SETX: variants seen among roughly 807,000 people sequenced by gnomAD.
SETX encodes helicase senataxin.
In SETX, 90 loss-of-function variants were observed where a neutral mutation model predicts 227.2. That is an observed-to-expected ratio of 0.40 (90% CI 0.33 to 0.47). SETX has a LOEUF of 0.47. Ranked by LOEUF, SETX falls within the 20% of genes least tolerant of loss-of-function variation. The pLI, the probability that SETX is intolerant of heterozygous loss-of-function variation, is 0.91. For synonymous variants in SETX, 1,210 were observed against 1,113.2 expected (o/e 1.09, Z -1.73); for missense variants, 3,052 against 3,181.5 (o/e 0.96, Z 0.98).
chr9:132,303,309 C>T (rs1160356336), intron 11 of SETX, among the ~76,000 whole-genome samples: 4 of 146,098 alleles, frequency 2.7e-5, no homozygotes, highest in African/African-American at 1.0e-4. Context: ...AAGTATGAAC[C>T]ACTGCGTCTG....
intron 15 of SETX, among the ~76,000 whole-genome samples, chr9:132,288,993 A>AAT (rs911161925): frequency 6.6e-6 from 1 of 152,224 alleles, no homozygotes; most frequent in Non-Finnish European, 1.5e-5. Flanking sequence ...TTCAAGAAAA[A>AAT]TGATGAGATA....
chr9:132,343,618 T>C (rs576470901), intron 4 of SETX, among the ~76,000 whole-genome samples: 1 of 152,334 alleles, frequency 6.6e-6, no homozygotes, highest in East Asian at 1.9e-4. Context: ...ACATTTTCAA[T>C]ATCATAGTTT....
At chr9:132,350,340 ACT>A (rs1208753882) in intron 2 of SETX, among the ~76,000 whole-genome samples, 1 of 152,118 alleles carries the variant, frequency 6.6e-6, no homozygotes, top group Non-Finnish European at 1.5e-5. Context: ...ACAGAGTGAA[ACT>A]CTGTCTCAAA....
intron 10 of SETX, among the ~76,000 whole-genome samples, chr9:132,316,244 A>G (rs1278856976): frequency 6.6e-6 from 1 of 152,120 alleles, no homozygotes; most frequent in African/African-American, 2.4e-5. Flanking sequence ...CACTTCATAT[A>G]CTTATTACCA....
At chr9:132,321,148 C>A (rs1295544931) in intron 10 of SETX, among the ~76,000 whole-genome samples, 1 of 152,232 alleles carries the variant, frequency 6.6e-6, no homozygotes, top group Non-Finnish European at 1.5e-5. Flanking sequence ...CAGCTCCCTG[C>A]CACGCCTACA....
chr9:132,279,854 AT>A (rs1843398912), intron 20 of SETX, among the ~76,000 whole-genome samples: 1 of 152,144 alleles, frequency 6.6e-6, no homozygotes, highest in South Asian at 2.1e-4. Context: ...GATGTCCCTG[AT>A]TTACTGATTG....
intron 25 of SETX, among the ~76,000 whole-genome samples, chr9:132,268,464 G>C (rs1842750114): frequency 6.6e-6 from 1 of 152,202 alleles, no homozygotes; most frequent in African/African-American, 2.4e-5. Context: ...TTGTGCCACT[G>C]CACTCCCGCC....
chr9:132,334,886 G>A (rs1470613113), intron 6 of SETX, among the ~76,000 whole-genome samples, 159 bp from the exon 7 acceptor site: 1 of 152,178 alleles, frequency 6.6e-6, no homozygotes, highest in Non-Finnish European at 1.5e-5. Context: ...CTGCTCCCAA[G>A]TAATAGAACT....
Position 132,264,622 on chromosome 9 carries a change from C to T in SETX, c.7651G>A (p.Gly2551Arg), listed in dbSNP as rs1233099344. ...LLKRMGIEVK[G>R]GIFLWDPQPS... ...TGTGGATCCCAAAGGAATATTCCTC[C>T]TTTGACCTCAATGCCCATCCTCTTC... The change falls in exon 26 of 26, where the codon GGA becomes AGA. Residue 2551 changes from glycine to arginine, a missense_variant. Transcript: ENST00000224140. The T allele has an allele frequency of 6.2e-7, 1 of 1,614,218 alleles. No homozygotes were observed. Among genetic ancestry groups the T allele is most frequent in the Non-Finnish European group, 8.5e-7 (1 of 1,180,046 alleles).
chr9:132,282,062 C>CAATA (rs1371351526), intron 19 of SETX, among the ~76,000 whole-genome samples: 1 of 126,040 alleles, frequency 7.9e-6, no homozygotes, highest in Admixed American at 7.8e-5. Context: ...TCAAAAAAAA[C>CAATA]AATAAATAAA....
At chr9:132,318,658 G>A (rs1441787489) in intron 10 of SETX, among the ~76,000 whole-genome samples, 1 of 152,084 alleles carries the variant, frequency 6.6e-6, no homozygotes, top group Non-Finnish European at 1.5e-5. Flanking sequence ...GGGAACAAGT[G>A]AACTTTCAAG....
chr9:132,302,453 C>T (rs1369374782), intron 11 of SETX, among the ~76,000 whole-genome samples: 1 of 147,704 alleles, frequency 6.8e-6, no homozygotes, highest in Non-Finnish European at 1.5e-5. Flanking sequence ...TGAGGTCAGG[C>T]GTTTGAGACC....
At position 132,262,763 on chromosome 9, in the gene SETX, A is replaced by T. The variant is rs1842460550; in HGVS notation, c.*1476T>A. Reference sequence around the variant, plus strand: ...GCTCAAGTAGAATTTCTAACACAAAACCCTTTTTTGCTTAAAAAGCAGATG... The same window carrying T: ...GCTCAAGTAGAATTTCTAACACAAATCCCTTTTTTGCTTAAAAAGCAGATG... On this transcript the variant is annotated 3_prime_UTR_variant, in exon 26 of 26. Coordinates refer to ENST00000224140, the MANE Select transcript of SETX (RefSeq NM_015046.7). 6.6e-6 allele frequency: 1 copy of T among 152,482 alleles called. No individual in the cohort carries two copies. Among genetic ancestry groups the T allele is most frequent in the African/African-American group, 2.4e-5 (1 of 41,384 alleles). 9.4% of individuals were successfully genotyped at this position (152,482 alleles called of 1,614,324 possible).
intron 2 of SETX, among the ~76,000 whole-genome samples, chr9:132,352,903 T>C (rs1848674342): frequency 6.6e-6 from 1 of 152,154 alleles, no homozygotes; most frequent in Non-Finnish European, 1.5e-5. Flanking sequence ...TATACGCTCC[T>C]TCTCCCTCAG....
intron 11 of SETX, among the ~76,000 whole-genome samples, chr9:132,307,795 C>T (rs1292660544): frequency 6.6e-6 from 1 of 152,038 alleles, no homozygotes; most frequent in Non-Finnish European, 1.5e-5. Flanking sequence ...TCTCCTGCCC[C>T]GGCCTCCCTA....
intron 10 of SETX, among the ~76,000 whole-genome samples, chr9:132,322,987 G>A (rs1451699575): frequency 6.6e-6 from 1 of 151,854 alleles, no homozygotes; most frequent in African/African-American, 2.4e-5. Flanking sequence ...TCCAAGAAAG[G>A]ATAACAAAAA....
intron 3 of SETX, among the ~76,000 whole-genome samples, chr9:132,346,834 A>G (rs11243735): frequency 0.15 from 23,097 of 151,876 alleles, 2,387 homozygotes; most frequent in East Asian, 0.43. Context: ...GCATGCCTAC[A>G]GTCCTAGCTT....
rs1042597702 is a variant in SETX at position 132,262,102 on chromosome 9, A to T, written c.*2137T>A. The stretch of plus-strand genomic sequence containing the variant: ...GACACAGGCTCGTCTGTTAGAAAGG[A>T]TGATCTAGTTCTACCATTAATTCTT... On this transcript the variant is annotated 3_prime_UTR_variant, in exon 26 of 26. Coordinates refer to ENST00000224140, the MANE Select transcript of SETX (RefSeq NM_015046.7). The T allele has an allele frequency of 1.3e-5, 2 of 152,260 alleles. No homozygotes were observed. The highest frequency in any genetic ancestry group is 2.9e-5 in the Non-Finnish European group (2 of 68,048). 9.4% of individuals were successfully genotyped at this position (152,260 alleles called of 1,614,324 possible). A position where few individuals can be genotyped will look rare whatever the true frequency, so the allele number is the denominator to read the frequency against.
intron 23 of SETX, chr9:132,274,986 T>C: frequency 2.2e-6 from 1 of 456,786 alleles, no homozygotes; most frequent in Non-Finnish European, 3.9e-6. Context: ...GATGAACAAG[T>C]CATGGAACTA....
Sources: gnomAD v4.1 joint callset for allele counts (sites outside exome capture counted in the v4.1 genomes callset) on GRCh38, gnomAD v4.1.1 for gene constraint, MANE v1.5 for transcripts, NCBI Gene and HGNC (gene_info 2026-07-23, HGNC 2026-07-21) for gene names.